The following ADAM22 variants were observed in gnomAD, a reference collection of about 807,000 sequenced individuals.
The protein encoded by ADAM22 is ADAM metallopeptidase domain 22.
A neutral mutation model predicts 144.6 loss-of-function variants in ADAM22; 65 were observed. The observed-to-expected ratio is 0.45, with a 90% CI of 0.37 to 0.55. The LOEUF (loss-of-function observed/expected upper bound fraction) is 0.55, where lower values mean the gene tolerates loss of function less well. Ranked by LOEUF, ADAM22 falls within the 20% of genes least tolerant of loss-of-function variation. The pLI is 0.00. For synonymous variants in ADAM22, 391 were observed against 412.6 expected (o/e 0.95, Z 0.63); for missense variants, 974 against 1,184.9 (o/e 0.82, Z 2.61).
chr7:87,934,537 C>T lies in ADAM22; in HGVS notation c.72C>T (p.Arg24=), dbSNP rs1174430537. Residue 24 remains arginine, a synonymous_variant, in exon 1 of 32, where the codon CGC becomes CGT. Coordinates refer to ENST00000413139, the MANE Select transcript of ADAM22 (RefSeq NM_001324418.2). The part of the protein sequence containing the change: ...LCVLGTCPPA[R]CGQAGDASLM... ...TCCTGGGGACCTGCCCTCCGGCGCGCTGCGGCCAGGCAGGTAAGTTAGCCG... is the reference window on the plus strand; with the variant it reads ...TCCTGGGGACCTGCCCTCCGGCGCGTTGCGGCCAGGCAGGTAAGTTAGCCG... The T allele has an allele frequency of 1.4e-5, 23 of 1,608,364 alleles. No individual in the cohort carries two copies. The highest frequency in any genetic ancestry group is 2.7e-5 in the African/African-American group (2 of 74,850).
chr7:88,125,793 G>C, intron 8 of ADAM22, 134 bp downstream of exon 8: 1 of 629,434 alleles, frequency 1.6e-6, no homozygotes. Context: ...AACCGTAAGG[G>C]TGATGGATCT....
At chr7:88,159,796 C>T (rs1393455105) in intron 22 of ADAM22, among the ~76,000 whole-genome samples, 4 of 152,168 alleles carry the variant, frequency 2.6e-5, no homozygotes, top group Admixed American at 1.3e-4. Flanking sequence ...CAGCCAACAT[C>T]ATACTGAATA....
intron 2 of ADAM22, among the ~76,000 whole-genome samples, chr7:87,937,924 T>C (rs1305215222): frequency 1.3e-5 from 2 of 152,220 alleles, no homozygotes; most frequent in African/African-American, 4.8e-5. Context: ...TTGATGTCTC[T>C]ATCACTTGGG....
intron 5 of ADAM22, among the ~76,000 whole-genome samples, chr7:88,109,633 G>A (rs1825470393): frequency 6.6e-6 from 1 of 151,622 alleles, no homozygotes; most frequent in South Asian, 2.1e-4. Context: ...TGAAACACAA[G>A]TCCTGGGAGC....
chr7:87,936,237 G>A (rs567763782), intron 2 of ADAM22, among the ~76,000 whole-genome samples: 1 of 152,246 alleles, frequency 6.6e-6, no homozygotes, highest in East Asian at 1.9e-4. Flanking sequence ...AATAGAAGGT[G>A]GGAAATTAGC....
intron 23 of ADAM22, 112 bp downstream of exon 23, chr7:88,163,292 T>C: frequency 1.2e-6 from 1 of 862,094 alleles, no homozygotes; most frequent in Non-Finnish European, 1.6e-6. Context: ...TTCATATTTC[T>C]AGTTGGTATA....
intron 2 of ADAM22, among the ~76,000 whole-genome samples, chr7:87,943,588 A>C (rs972592898): frequency 2.0e-5 from 3 of 152,060 alleles, no homozygotes; most frequent in Admixed American, 6.6e-5. Context: ...GCTATCCTTT[A>C]CTTTTGATTT....
intron 3 of ADAM22, among the ~76,000 whole-genome samples, chr7:88,062,829 G>T (rs1443537186): frequency 6.6e-6 from 1 of 152,094 alleles, no homozygotes; most frequent in Non-Finnish European, 1.5e-5. Flanking sequence ...ATATTGTTTT[G>T]TCTCAGGGAA....
intron 8 of ADAM22, among the ~76,000 whole-genome samples, chr7:88,126,835 A>G (rs1830530926): frequency 6.6e-6 from 1 of 151,906 alleles, no homozygotes; most frequent in Non-Finnish European, 1.5e-5. Context: ...GATGAGAGAT[A>G]CTTAACCTAT....
intron 8 of ADAM22, 67 bp from the exon 9 acceptor site, chr7:88,128,534 AT>A: frequency 3.1e-6 from 4 of 1,289,108 alleles, no homozygotes; most frequent in South Asian, 1.2e-5. Flanking sequence ...TTTCTTCCAT[AT>A]TTTTTAGCTT....
At chr7:88,105,436 A>G (rs1251373025) in intron 4 of ADAM22, among the ~76,000 whole-genome samples, 2 of 152,178 alleles carry the variant, frequency 1.3e-5, no homozygotes, top group African/African-American at 2.4e-5. Flanking sequence ...CTCTGATCCA[A>G]TCCGATGTAT....
At chr7:88,036,027 A>G (rs1801453345) in intron 3 of ADAM22, among the ~76,000 whole-genome samples, 1 of 152,254 alleles carries the variant, frequency 6.6e-6, no homozygotes. Flanking sequence ...ACATGTAATC[A>G]TCACATAATC....
At chr7:87,976,859 G>GT (rs374623200) in intron 2 of ADAM22, among the ~76,000 whole-genome samples, 120 of 148,710 alleles carry the variant, frequency 8.1e-4, no homozygotes, top group Non-Finnish European at 1.4e-3. Flanking sequence ...AGGGAGAAGG[G>GT]TTTTTTATTT....
At chr7:88,149,699 T>C (rs1323645431) in intron 18 of ADAM22, among the ~76,000 whole-genome samples, 2 of 152,182 alleles carry the variant, frequency 1.3e-5, no homozygotes, top group African/African-American at 4.8e-5. Flanking sequence ...TGCACTTGTT[T>C]TGCAGTCCTC....
At chr7:88,134,642 G>A (rs1832576331) in intron 13 of ADAM22, among the ~76,000 whole-genome samples, 1 of 152,166 alleles carries the variant, frequency 6.6e-6, no homozygotes, top group African/African-American at 2.4e-5. Flanking sequence ...AAAGCCGTGT[G>A]ATAATAAATT....
chr7:87,989,673 T>G (rs1434989826), intron 3 of ADAM22, among the ~76,000 whole-genome samples: 1 of 152,224 alleles, frequency 6.6e-6, no homozygotes, highest in African/African-American at 2.4e-5. Flanking sequence ...CCCAGCACTT[T>G]GGGAGGCCAA....
chr7:88,025,849 G>T (rs1798906844), intron 3 of ADAM22, among the ~76,000 whole-genome samples: 1 of 152,104 alleles, frequency 6.6e-6, no homozygotes, highest in Non-Finnish European at 1.5e-5. Context: ...TGGCTATTCA[G>T]GGTCTTTTGT....
chr7:88,043,925 G>T (rs1803820574), intron 3 of ADAM22, among the ~76,000 whole-genome samples: 1 of 152,048 alleles, frequency 6.6e-6, no homozygotes, highest in Admixed American at 6.6e-5. Context: ...AGATCCTAGG[G>T]AAAATAATTT....
chr7:87,977,124 T>A (rs1202219322), intron 2 of ADAM22, among the ~76,000 whole-genome samples: 1 of 152,162 alleles, frequency 6.6e-6, no homozygotes, highest in Non-Finnish European at 1.5e-5. Context: ...ATTTTTGAAG[T>A]TTTATGAGGA....
Sources: allele counts gnomAD v4.1 joint callset (sites outside exome capture counted in the v4.1 genomes callset), GRCh38; gene constraint gnomAD v4.1.1; transcripts MANE v1.5; gene names NCBI Gene and HGNC (gene_info 2026-07-23, HGNC 2026-07-21).